Variants in TUBGCP3 observed in about 807,000 individuals in gnomAD.
TUBGCP3 encodes the protein tubulin gamma complex component 3, also known as gamma-tubulin complex component 3.
In TUBGCP3, 50 loss-of-function variants were observed where a neutral mutation model predicts 123.1. The ratio of observed to expected loss-of-function variants is 0.41; its 90% confidence interval spans 0.32 to 0.51. The LOEUF (loss-of-function observed/expected upper bound fraction) is 0.51, where lower values mean the gene tolerates loss of function less well. Ranked by LOEUF, TUBGCP3 falls within the 20% of genes least tolerant of loss-of-function variation. The pLI, the probability that TUBGCP3 is intolerant of heterozygous loss-of-function variation, is 0.36. For synonymous variants in TUBGCP3, 405 were observed against 413.9 expected, an observed-to-expected ratio of 0.98 and a Z score of 0.26; for missense variants, 882 against 1,127.0, an observed-to-expected ratio of 0.78 and a Z score of 3.11.
At chr13:112,585,117 T>G (rs994193776) in intron 1 of TUBGCP3, among the ~76,000 whole-genome samples, 1 of 152,212 alleles carries the variant, frequency 6.6e-6, no homozygotes, top group African/African-American at 2.4e-5. Flanking sequence ...AAGTAACAAG[T>G]ACCTATTATG....
chr13:112,577,668 G>T (rs1231401437), intron 1 of TUBGCP3, among the ~76,000 whole-genome samples: 1 of 152,162 alleles, frequency 6.6e-6, no homozygotes, highest in Non-Finnish European at 1.5e-5. Context: ...GTGTACCACG[G>T]TTATGTAAGA....
chr13:112,513,347 G>T (rs1881797337), intron 17 of TUBGCP3, among the ~76,000 whole-genome samples: 2 of 152,224 alleles, frequency 1.3e-5, no homozygotes, highest in African/African-American at 4.8e-5. Context: ...GATTGGTAGA[G>T]GCGTGAAAAG....
At chr13:112,546,115 T>A (rs1878965405) in intron 10 of TUBGCP3, 2 of 395,006 alleles carry the variant, frequency 5.1e-6, no homozygotes, top group Admixed American at 7.6e-5. Context: ...GCTGAGGAAT[T>A]TTTCAGAAAC....
intron 1 of TUBGCP3, 107 bp downstream of exon 1, chr13:112,587,798 C>T (rs996206659): frequency 6.8e-6 from 7 of 1,028,090 alleles, no homozygotes; most frequent in Non-Finnish European, 9.6e-6. Flanking sequence ...GCCCTCTGCC[C>T]GGCCCTGCAT....
chr13:112,602,331 T>C, the TUBGCP3 span, among the ~76,000 whole-genome samples: 1 of 152,098 alleles, frequency 6.6e-6, no homozygotes, highest in African/African-American at 2.4e-5. Flanking sequence ...AGAGCGCTTA[T>C]TCCCCTTCTG....
chr13:112,535,551 C>T (rs1468631920), intron 11 of TUBGCP3, among the ~76,000 whole-genome samples: 3 of 152,150 alleles, frequency 2.0e-5, no homozygotes, highest in Non-Finnish European at 2.9e-5. Flanking sequence ...TAATAATAAT[C>T]TTTTCCTGTG....
At chr13:112,531,374 C>A (rs1877559625) in intron 11 of TUBGCP3, among the ~76,000 whole-genome samples, 1 of 152,222 alleles carries the variant, frequency 6.6e-6, no homozygotes, top group Non-Finnish European at 1.5e-5. Context: ...GCAGTACTAT[C>A]ACGGAGGCGT....
chr13:112,491,948 G>A (rs967200551), intron 20 of TUBGCP3, among the ~76,000 whole-genome samples: 1 of 152,186 alleles, frequency 6.6e-6, no homozygotes, highest in African/African-American at 2.4e-5. Flanking sequence ...TTGATGTGAT[G>A]TACATCTGCT....
chr13:112,583,802 T>G lies in TUBGCP3; in HGVS notation c.76+4103A>C, dbSNP rs548428893. Among the ~76,000 whole-genome samples, 17 of 152,004 alleles carry G rather than the reference T, an allele frequency of 1.1e-4. No individual in the cohort carries two copies. The South Asian group carries it at 2.9e-3, about 26-fold the overall frequency. On this transcript the variant is annotated intron_variant, in intron 1 of 21. Coordinates refer to ENST00000261965, the MANE Select transcript of TUBGCP3 (RefSeq NM_006322.6). ...GCTTTTCTGAAGGATGGGGGAGGGG[T>G]CAGGAGGGCGTTGGGAGTAAGCCAC...
In TUBGCP3 at chr13:112,504,313, C is replaced by T. The variant is rs1243937071; in HGVS notation, c.2176-150G>A. 15 of 1,005,288 alleles carry T rather than the reference C, an allele frequency of 1.5e-5. No individual in the cohort carries two copies. In the South Asian group the frequency reaches 2.2e-4, roughly 15 times the overall value. 62.3% of individuals were successfully genotyped at this position (1,005,288 alleles called of 1,614,324 possible). A position where few individuals can be genotyped will look rare whatever the true frequency, so the allele number is the denominator to read the frequency against. ...AACCAGCCTGGCCAACATGGCAAAA[C>T]CCCGTCTCTACTAAAAATACAAAAA... On this transcript the variant is annotated intron_variant, in intron 18 of 21. Coordinates refer to ENST00000261965, the MANE Select transcript of TUBGCP3 (RefSeq NM_006322.6).
In TUBGCP3 at chr13:112,499,113, T is replaced by C. The variant is rs1370007531; in HGVS notation, c.2380A>G (p.Arg794Gly). 1.9e-6 allele frequency: 3 copies of C among 1,614,068 alleles called. No individual in the cohort carries two copies. The highest frequency in any genetic ancestry group is 8.5e-7 in the Non-Finnish European group (1 of 1,180,032). The change falls in exon 20 of 22, where the codon AGA (arginine) becomes GGA (glycine). Residue 794 changes from arginine (R) to glycine (G), a missense_variant. Arg to Gly is a moderately radical substitution (Grantham distance 125). This residue lies in a region of TUBGCP3 where 160 missense variants were observed against 220.3 expected (regional missense o/e 0.73). Coordinates refer to ENST00000261965, the MANE Select transcript of TUBGCP3 (RefSeq NM_006322.6). ...CTCTGCAATTCTTCCAGAGCAGCTCTGTATATTGCATCTTGAGCATTCTGA... is the reference window on the plus strand; with the variant it reads ...CTCTGCAATTCTTCCAGAGCAGCTCCGTATATTGCATCTTGAGCATTCTGA... ...ELQNAQDAIY[R>G]AALEELQRRL...
intron 11 of TUBGCP3, among the ~76,000 whole-genome samples, chr13:112,537,126 CCTTT>C (rs144765801): frequency 1.5e-3 from 182 of 123,268 alleles, no homozygotes; most frequent in East Asian, 7.8e-3. Flanking sequence ...TTACCTTTTT[CCTTT>C]TTTTTTTTTT....
At chr13:112,512,205 G>A (rs1321295618) in intron 17 of TUBGCP3, among the ~76,000 whole-genome samples, 1 of 151,494 alleles carries the variant, frequency 6.6e-6, no homozygotes, top group Non-Finnish European at 1.5e-5. Context: ...CAGATCACTT[G>A]AGGCCAGGAG....
chr13:112,504,061 A>G lies in TUBGCP3; in HGVS notation c.2278T>C (p.Ser760Pro), dbSNP rs1881110587. Residue 760 changes from serine to proline, a missense_variant, in exon 19 of 22, where the codon TCC becomes CCC. Transcript: ENST00000261965. The part of the protein sequence containing the change: ...AHEVFLDTII[S>P]RCLLDSDSRA... The stretch of plus-strand genomic sequence containing the variant: ...GAGTCACTGTCCAGCAGGCAGCGGG[A>G]GATGATGGTGTCTAAGAACACCTCG... The G allele has an allele frequency of 1.2e-6, 2 of 1,614,030 alleles. No individual in the cohort carries two copies. Among genetic ancestry groups the G allele is most frequent in the Non-Finnish European group, 1.7e-6 (2 of 1,179,962 alleles).
intron 2 of TUBGCP3, 117 bp downstream of exon 2, chr13:112,569,035 C>T (rs1881198798): frequency 1.7e-5 from 14 of 831,184 alleles, no homozygotes; most frequent in Non-Finnish European, 2.5e-5. Context: ...TTATTTTGTA[C>T]CAATATTAAA....
At chr13:112,599,934 C>T in the TUBGCP3 span, among the ~76,000 whole-genome samples, 2 of 152,134 alleles carry the variant, frequency 1.3e-5, no homozygotes, top group African/African-American at 4.8e-5. Context: ...ATCTCCCCAC[C>T]CCCTGCAGCT....
At chr13:112,526,528 CCAT>C (rs1235889152) in intron 13 of TUBGCP3, among the ~76,000 whole-genome samples, 8 of 151,836 alleles carry the variant, frequency 5.3e-5, no homozygotes, top group African/African-American at 9.7e-5. Flanking sequence ...ACTGCCACCA[CCAT>C]GCCATCATCA....
chr13:112,588,441 C>T (rs1400506971), upstream of TUBGCP3, among the ~76,000 whole-genome samples: 2 of 152,126 alleles, frequency 1.3e-5, no homozygotes, highest in African/African-American at 4.8e-5. Context: ...TGGTTTGATT[C>T]ACACTTCTGA....
rs74801945 is a variant in TUBGCP3, at chr13:112,515,845, G to A, written c.2086+595C>T. On this transcript the variant is annotated intron_variant, in intron 17 of 21. Coordinates refer to ENST00000261965, the MANE Select transcript of TUBGCP3 (RefSeq NM_006322.6). Reference sequence around the variant, plus strand: ...GCCTGTGAGCTGGTAAAGAAGCAGAGATCATGAACTGCTTTCTCCAAACAA... The same window carrying A: ...GCCTGTGAGCTGGTAAAGAAGCAGAAATCATGAACTGCTTTCTCCAAACAA... Among the ~76,000 whole-genome samples, 504 of 152,326 alleles carry A rather than the reference G, an allele frequency of 3.3e-3. 3 individuals carry two copies. The highest frequency in any genetic ancestry group is 0.012 in the African/African-American group (482 of 41,572).
Sources: allele counts gnomAD v4.1 joint callset (sites outside exome capture counted in the v4.1 genomes callset), GRCh38; gene constraint gnomAD v4.1.1; regional missense constraint gnomAD v4.1.1; transcripts MANE v1.5; gene names NCBI Gene and HGNC (gene_info 2026-07-23, HGNC 2026-07-21).